The following DGKI variants were observed in gnomAD, a reference collection of about 807,000 sequenced individuals.
DGKI encodes DAG kinase iota.
In DGKI, 55 loss-of-function variants were observed where a neutral mutation model predicts 147.5. The ratio of observed to expected loss-of-function variants is 0.37; its 90% CI spans 0.30 to 0.47. The LOEUF is 0.47. Among genes scored for constraint, DGKI ranks in the 20% least tolerant of loss-of-function variants. The pLI, the probability that DGKI is intolerant of heterozygous loss-of-function variation, is 1.00. For synonymous variants in DGKI, 469 were observed against 477.1 expected (o/e 0.98, Z 0.22); for missense variants, 1,007 against 1,323.8 (o/e 0.76, Z 3.71).
chr7:137,400,905 G>A (rs1016335140), intron 30 of DGKI, among the ~76,000 whole-genome samples: 1 of 152,232 alleles, frequency 6.6e-6, no homozygotes. Context: ...GTAGCAGCCA[G>A]CTGACTACAG....
intron 20 of DGKI, among the ~76,000 whole-genome samples, chr7:137,537,217 T>C (rs1817549622): frequency 6.6e-6 from 1 of 152,150 alleles, no homozygotes; most frequent in African/African-American, 2.4e-5. Flanking sequence ...GAAGAGACGA[T>C]GGGCAAAGTT....
chr7:137,413,192 G>A (rs1036982821), intron 28 of DGKI, among the ~76,000 whole-genome samples: 13 of 150,268 alleles, frequency 8.7e-5, no homozygotes, highest in African/African-American at 3.0e-4. Flanking sequence ...GCTTGAATTC[G>A]AGAGGTGGAG....
chr7:137,646,813 A>G (rs1267147126), intron 5 of DGKI, among the ~76,000 whole-genome samples: 2 of 152,190 alleles, frequency 1.3e-5, no homozygotes, highest in African/African-American at 4.8e-5. Flanking sequence ...AAAATAGATC[A>G]GTGTAGAGGG....
chr7:137,629,280 AC>A (rs1388194470), intron 6 of DGKI, among the ~76,000 whole-genome samples: 2 of 152,364 alleles, frequency 1.3e-5, no homozygotes, highest in East Asian at 3.9e-4. Context: ...TGTTTATCAT[AC>A]ATTTAATTAA....
chr7:137,709,800 A>G (rs1794162124), intron 1 of DGKI, among the ~76,000 whole-genome samples: 1 of 152,132 alleles, frequency 6.6e-6, no homozygotes, highest in African/African-American at 2.4e-5. Flanking sequence ...TAGAATATAA[A>G]ATAATTATGA....
intron 20 of DGKI, among the ~76,000 whole-genome samples, chr7:137,538,099 C>A (rs925301510): frequency 1.3e-5 from 2 of 152,114 alleles, no homozygotes; most frequent in African/African-American, 2.4e-5. Flanking sequence ...TTTTAGAAAG[C>A]TTTTCAAAAG....
chr7:137,688,561 C>G (rs1823501068), intron 2 of DGKI, among the ~76,000 whole-genome samples: 1 of 152,172 alleles, frequency 6.6e-6, no homozygotes, highest in South Asian at 2.1e-4. Flanking sequence ...CCTGGAATGT[C>G]TCACCTCAAA....
At chr7:137,711,369 T>A (rs1480025801) in intron 1 of DGKI, among the ~76,000 whole-genome samples, 1 of 152,172 alleles carries the variant, frequency 6.6e-6, no homozygotes, top group Non-Finnish European at 1.5e-5. Flanking sequence ...GCAGAACAGA[T>A]AAATACATTG....
intron 1 of DGKI, among the ~76,000 whole-genome samples, chr7:137,691,489 C>T (rs1823601380): frequency 1.3e-5 from 2 of 152,080 alleles, no homozygotes; most frequent in Non-Finnish European, 2.9e-5. Flanking sequence ...GCAGTGATGG[C>T]CAGATCTGTG....
chr7:137,779,570 C>T (rs556252344), intron 1 of DGKI, among the ~76,000 whole-genome samples: 2 of 152,016 alleles, frequency 1.3e-5, no homozygotes, highest in Non-Finnish European at 2.9e-5. Flanking sequence ...ATCTGATAAT[C>T]GATTTGTATC....
chr7:137,465,863 T>C, intron 26 of DGKI, 45 bp downstream of exon 26: 1 of 1,590,450 alleles, frequency 6.3e-7, no homozygotes, highest in East Asian at 2.2e-5. Context: ...CAGACATGGA[T>C]GTCACCCTAA....
At chr7:137,688,629 A>T (rs1379950479) in intron 2 of DGKI, among the ~76,000 whole-genome samples, 1 of 151,970 alleles carries the variant, frequency 6.6e-6, no homozygotes, top group Non-Finnish European at 1.5e-5. Context: ...TATCAAACCA[A>T]CTCTTTCGGT....
At chr7:137,542,774 A>G (rs1455111851) in intron 20 of DGKI, among the ~76,000 whole-genome samples, 1 of 152,220 alleles carries the variant, frequency 6.6e-6, no homozygotes, top group Non-Finnish European at 1.5e-5. Context: ...TATTAAAAAT[A>G]AAAGCAAATA....
intron 27 of DGKI, among the ~76,000 whole-genome samples, chr7:137,457,657 G>C (rs908865683): frequency 1.3e-5 from 2 of 151,788 alleles, no homozygotes; most frequent in African/African-American, 4.8e-5. Context: ...TAGGTATCTT[G>C]GTATCTCCAA....
At chr7:137,818,195 A>G (rs575536636) in intron 1 of DGKI, among the ~76,000 whole-genome samples, 1 of 152,326 alleles carries the variant, frequency 6.6e-6, no homozygotes, top group Non-Finnish European at 1.5e-5. Context: ...GAGATTTAGA[A>G]TTGCTCTGAA....
rs1811119664 is a variant in DGKI at position 137,384,041 on chromosome 7, C to A, written c.*7179G>T. 1.3e-5 allele frequency: 2 copies of A among 152,022 alleles called. No individual in the cohort carries two copies. The highest frequency in any genetic ancestry group is 4.8e-5 in the African/African-American group (2 of 41,434). The allele number at this position is 152,022 out of a possible 1,614,324, so 9.4% of individuals were successfully genotyped here. Reference sequence around the variant, plus strand: ...TATATGACTATGTATTATCATAACACTTAGCTTGCATACCCACCCATAAAC... The same window carrying A: ...TATATGACTATGTATTATCATAACAATTAGCTTGCATACCCACCCATAAAC... On this transcript the variant is annotated 3_prime_UTR_variant, in exon 33 of 33. Coordinates refer to ENST00000614521, the MANE Select transcript of DGKI (RefSeq NM_001321708.2).
intron 21 of DGKI, among the ~76,000 whole-genome samples, chr7:137,507,229 G>A (rs1427881096): frequency 2.6e-5 from 4 of 152,180 alleles, no homozygotes; most frequent in African/African-American, 4.8e-5. Flanking sequence ...TAGTCCTTAC[G>A]ATTAAAAGTA....
chr7:137,818,262 A>G (rs987136862), intron 1 of DGKI, among the ~76,000 whole-genome samples: 3 of 152,200 alleles, frequency 2.0e-5, no homozygotes, highest in Non-Finnish European at 4.4e-5. Context: ...CTAGGTCAAA[A>G]GTTCAATAAG....
intron 21 of DGKI, among the ~76,000 whole-genome samples, chr7:137,517,695 A>C (rs901382553): frequency 1.3e-5 from 2 of 152,160 alleles, no homozygotes; most frequent in Admixed American, 1.3e-4. Context: ...ATTATTCCAA[A>C]ATAAAAATTT....
Sources: gnomAD v4.1 joint callset for allele counts (sites outside exome capture counted in the v4.1 genomes callset) on GRCh38, gnomAD v4.1.1 for gene constraint, MANE v1.5 for transcripts, NCBI Gene and HGNC (gene_info 2026-07-23, HGNC 2026-07-21) for gene names.